ZNF888: variants seen among roughly 807,000 people sequenced by gnomAD.
The protein encoded by ZNF888 is CTD-2331H12.6.
In ZNF888, 5 loss-of-function variants were observed where a neutral mutation model predicts 7.2. The ratio of observed to expected loss-of-function variants is 0.70; its 90% CI spans 0.36 to 1.46. The LOEUF (loss-of-function observed/expected upper bound fraction) is 1.46. Among genes scored for constraint, ZNF888 ranks in the 40% most tolerant of loss-of-function variants. ZNF888 has a pLI of 0.03. For missense variants in ZNF888, 716 were observed against 858.0 expected (o/e 0.83, Z 2.07); for synonymous variants, 240 against 284.3 (o/e 0.84, Z 1.57).
rs1472094116 is a variant in ZNF888, at chr19:52,915,292, C to T, written c.46G>A (p.Glu16Lys). ...CATTTCCACTCCTCCTGAGAGAATT[C>T]TATGGCCACATCCCTGAATGTCAAT... Reference protein sequence around the residue: ...GLLTFRDVAIEFSQEEWKCLD... With the variant: ...GLLTFRDVAIKFSQEEWKCLD... Residue 16 changes from glutamate (E) to lysine (K), a missense_variant, in exon 4 of 5, where the codon GAA (glutamate) becomes AAA (lysine). By Grantham distance (56) the Glu-to-Lys change is moderately conservative (BLOSUM62 1). Around this residue, in one of 2 missense-constraint regions of ZNF888, gnomAD observed 19 missense variants for 54.7 expected, o/e 0.35. Coordinates refer to ENST00000638862, the MANE Select transcript of ZNF888 (RefSeq NM_001393938.1). 8 of 1,613,754 alleles carry T rather than the reference C, an allele frequency of 5.0e-6. No individual in the cohort carries two copies. The highest frequency in any genetic ancestry group is 6.8e-6 in the Non-Finnish European group (8 of 1,179,998).
chr19:52,922,100 A>C (rs1282062880), intron 1 of ZNF888, among the ~76,000 whole-genome samples: 1 of 152,054 alleles, frequency 6.6e-6, no homozygotes, highest in African/African-American at 2.4e-5. Flanking sequence ...GGATCACCTG[A>C]AGTCAGGAGT....
intron 3 of ZNF888, 104 bp downstream of exon 3, chr19:52,917,755 C>T: frequency 6.3e-7 from 1 of 1,585,316 alleles, no homozygotes; most frequent in Non-Finnish European, 8.6e-7. Flanking sequence ...TGTGAGCAAA[C>T]CTGTCACGCA....
chr19:52,906,100 T>C lies in ZNF888; in HGVS notation c.*65A>G. 6.2e-7 allele frequency: 1 copy of C among 1,608,902 alleles called. No individual in the cohort carries two copies. Among genetic ancestry groups the C allele is most frequent in the Non-Finnish European group, 8.5e-7 (1 of 1,175,768 alleles). On this transcript the variant is annotated 3_prime_UTR_variant, in exon 5 of 5. Transcript: ENST00000638862. ...ACTACACTTGTAAGATCTCTATTCA[T>C]TATGGATTCTTCAATGATTTGCAAT... is the stretch of plus-strand genomic sequence containing the variant.
At chr19:52,920,489 C>CAAAAAAAAAAAAA (rs1191621530) in intron 1 of ZNF888, among the ~76,000 whole-genome samples, 1 of 6,868 alleles carries the variant, frequency 1.5e-4, no homozygotes, top group Admixed American at 4.0e-3. Flanking sequence ...TGCTTGAAGG[C>CAAAAAAAAAAAAA]AAAAAAAAAA....
In ZNF888 at chr19:52,906,042, G is replaced by C; in HGVS notation, c.*123C>G. 1 of 1,397,336 alleles carries C rather than the reference G, an allele frequency of 7.2e-7. No homozygotes were observed. Among genetic ancestry groups the C allele is most frequent in the African/African-American group, 1.4e-5 (1 of 71,078 alleles). 86.6% of individuals were successfully genotyped at this position (1,397,336 alleles called of 1,614,324 possible). A position where few individuals can be genotyped will look rare whatever the true frequency, so the allele number is the denominator to read the frequency against. On this transcript the variant is annotated 3_prime_UTR_variant, in exon 5 of 5. Transcript: ENST00000638862. ...TATGAGTTCACCCATGAACTACAGC[G>C]TATGAACGATGTCTGAAAAATTTGC...
intron 3 of ZNF888, among the ~76,000 whole-genome samples, chr19:52,915,755 A>T (rs374944273): frequency 6.9e-6 from 1 of 145,286 alleles, no homozygotes; most frequent in Non-Finnish European, 1.5e-5. Context: ...GATTACAGGC[A>T]TGAGCCACCA....
chr19:52,907,963 C>T lies in ZNF888; in HGVS notation c.359G>A (p.Gly120Asp), dbSNP rs2064631725. 9 of 1,613,962 alleles carry T rather than the reference C, an allele frequency of 5.6e-6. No individual in the cohort carries two copies. Among genetic ancestry groups the T allele is most frequent in the Non-Finnish European group, 7.6e-6 (9 of 1,180,020 alleles). ...APMTEIKELT[G>D]STDQYDQRHA... The stretch of plus-strand genomic sequence containing the variant: ...CCTTTGATCATATTGGTCTGTACTA[C>T]CCGTCAACTCTTTGATTTCTGTCAT... Residue 120 changes from glycine (G) to aspartate (D), a missense_variant, in exon 5 of 5, where the codon GGT (glycine) becomes GAT (aspartate). Gly to Asp is a moderately conservative substitution (Grantham distance 94, BLOSUM62 -1). This residue lies in a region of ZNF888 where 697 missense variants were observed against 803.4 expected (regional missense o/e 0.87). Coordinates refer to ENST00000638862, the MANE Select transcript of ZNF888 (RefSeq NM_001393938.1).
intron 1 of ZNF888, chr19:52,921,688 G>A: frequency 1.0e-6 from 1 of 983,200 alleles, no homozygotes; most frequent in Non-Finnish European, 1.2e-6. Context: ...TGAAAATAGG[G>A]AGGCCGAGGT....
chr19:52,916,837 G>A (rs1039097209), intron 3 of ZNF888, among the ~76,000 whole-genome samples: 19 of 151,492 alleles, frequency 1.3e-4, no homozygotes, highest in South Asian at 2.1e-4. Flanking sequence ...ACTTGAACCC[G>A]GGAGGCAAAG....
chr19:52,906,164 A>G lies in ZNF888; in HGVS notation c.*1T>C. On this transcript the variant is annotated 3_prime_UTR_variant, in exon 5 of 5. Coordinates refer to ENST00000638862, the MANE Select transcript of ZNF888 (RefSeq NM_001393938.1). ...CTGAAGACTTGGTGACAATCATTAC[A>G]TTAGTCAAGTTTCCCTACACCATGG... is the stretch of plus-strand genomic sequence containing the variant. The G allele has an allele frequency of 3.1e-6, 5 of 1,612,748 alleles. No individual in the cohort carries two copies. Among genetic ancestry groups the G allele is most frequent in the Non-Finnish European group, 3.4e-6 (4 of 1,179,232 alleles).
At position 52,918,144 on chromosome 19, in the gene ZNF888, G is replaced by A. The variant is rs183072038; in HGVS notation, c.-58-213C>T. ...CCCACACACACGCTGCAGCAGTAGG[G>A]ATCTGGGCTGGAATGAGCTCCCCTT... On this transcript the variant is annotated intron_variant, in intron 2 of 4. Coordinates refer to ENST00000638862, the MANE Select transcript of ZNF888 (RefSeq NM_001393938.1). 10 of 1,369,116 alleles carry A rather than the reference G, an allele frequency of 7.3e-6. No homozygotes were observed. The Admixed American group carries it at 1.2e-4, about 17-fold the overall frequency. 84.8% of individuals were successfully genotyped at this position (1,369,116 alleles called of 1,614,324 possible). A position where few individuals can be genotyped will look rare whatever the true frequency, so the allele number is the denominator to read the frequency against.
chr19:52,909,151 A>C (rs2064647107), intron 4 of ZNF888, among the ~76,000 whole-genome samples: 1 of 152,044 alleles, frequency 6.6e-6, no homozygotes, highest in South Asian at 2.1e-4. Context: ...TCTCAAAAAA[A>C]AAAGAAAATG....
At position 52,908,177 on chromosome 19, in the gene ZNF888, T is replaced by C. The variant is rs943685535; in HGVS notation, c.145A>G (p.Ile49Val). The part of the protein sequence containing the change: ...ENYRNLVSLD[I>V]SSKCMMEFSS... The stretch of plus-strand genomic sequence containing the variant: ...AACTCCATCATGCATTTGGAAGAGA[T>C]ATCTACAAAATATAAACGCCAATAG... Residue 49 changes from isoleucine (I) to valine (V), a missense_variant and splice_region_variant, in exon 5 of 5, where the codon ATC (isoleucine) becomes GTC (valine). Ile to Val is a conservative substitution (Grantham distance 29). Transcript: ENST00000638862. 16 of 1,613,740 alleles carry C rather than the reference T, an allele frequency of 9.9e-6. No individual in the cohort carries two copies. Among genetic ancestry groups the C allele is most frequent in the Admixed American group, 8.3e-5 (5 of 60,000 alleles).
At chr19:52,913,769 TTCACACTGGAA>T in intron 4 of ZNF888, 1 of 983,102 alleles carries the variant, frequency 1.0e-6, no homozygotes, top group Non-Finnish European at 1.2e-6. Flanking sequence ...GGTTGTTATA[TTCACACTGGAA>T]TCATGCTTAA....
At chr19:52,909,964 A>G (rs1362766632) in intron 4 of ZNF888, among the ~76,000 whole-genome samples, 1 of 151,872 alleles carries the variant, frequency 6.6e-6, no homozygotes, top group Non-Finnish European at 1.5e-5. Flanking sequence ...GAGTTCTAGA[A>G]CAGCCTGGCC....
Position 52,907,684 on chromosome 19 carries a change from G to A in ZNF888, c.638C>T (p.Ser213Phe). 1 of 1,606,970 alleles carries A rather than the reference G, an allele frequency of 6.2e-7. No individual in the cohort carries two copies. The change falls in exon 5 of 5, where the codon TCT (serine) becomes TTT (phenylalanine). Residue 213 changes from serine to phenylalanine, a missense_variant. Coordinates refer to ENST00000638862, the MANE Select transcript of ZNF888 (RefSeq NM_001393938.1). Reference sequence around the variant, plus strand: ...TTTGCCACTCTCATTAAATTGGAAAGATTTTTCTTTCCTGTGTACATCCTG... The same window carrying A: ...TTTGCCACTCTCATTAAATTGGAAAAATTTTTCTTTCCTGTGTACATCCTG... Reference protein sequence around the residue: ...QKQDVHRKEKSFQFNESGKSF... With the variant: ...QKQDVHRKEKFFQFNESGKSF...
Position 52,904,447 on chromosome 19 carries a change from C to T in ZNF888, c.*1718G>A, listed in dbSNP as rs2064584710. On this transcript the variant is annotated 3_prime_UTR_variant, in exon 5 of 5. Transcript: ENST00000638862. ...AGGAAGGGCTTTATTCAGCTGGGAG[C>T]ATCGGCAAGCTACTGCCTTAAAATC... 1 of 152,210 alleles carries T rather than the reference C, an allele frequency of 6.6e-6. No homozygotes were observed. The highest frequency in any genetic ancestry group is 2.4e-5 in the African/African-American group (1 of 41,454). 9.4% of individuals were successfully genotyped at this position (152,210 alleles called of 1,614,324 possible).
chr19:52,908,013 ATCT>A lies in ZNF888; in HGVS notation c.306_308del (p.Glu102del), dbSNP rs2064632475. The A allele has an allele frequency of 6.2e-7, 1 of 1,614,080 alleles. No individual in the cohort carries two copies. Among genetic ancestry groups the A allele is most frequent in the East Asian group, 2.2e-5 (1 of 44,866 alleles). ...TGGGTGCTTCATGGCCATTTGTTTC[ATCT>A]TCTTGCCACTGAAACACAAAGTCAT... On this transcript the variant is annotated inframe_deletion, in exon 5 of 5. Coordinates refer to ENST00000638862, the MANE Select transcript of ZNF888 (RefSeq NM_001393938.1).
chr19:52,921,597 C>T (rs1451962746), intron 1 of ZNF888: 1 of 915,804 alleles, frequency 1.1e-6, no homozygotes, highest in African/African-American at 1.8e-5. Context: ...GCCATTAATT[C>T]CTAACATTTA....
Sources: allele counts gnomAD v4.1 joint callset (sites outside exome capture counted in the v4.1 genomes callset), GRCh38; gene constraint gnomAD v4.1.1; regional missense constraint gnomAD v4.1.1; transcripts MANE v1.5; gene names NCBI Gene and HGNC (gene_info 2026-07-23, HGNC 2026-07-21).